Variants in ANKRD36 observed in about 807,000 individuals in gnomAD.
The protein encoded by ANKRD36 is ankyrin repeat domain-containing protein 36A.
Under a neutral mutation model 278.1 loss-of-function variants are expected in ANKRD36, and 179 were observed. The observed-to-expected ratio is 0.64, with a 90% CI of 0.57 to 0.73. ANKRD36 has a LOEUF of 0.73. Among genes scored for constraint, ANKRD36 ranks in the 30% least tolerant of loss-of-function variants. The pLI is 0.00. For missense variants in ANKRD36, 1,159 were observed against 1,956.7 expected (o/e 0.59, Z 7.69); for synonymous variants, 320 against 641.1 (o/e 0.50, Z 7.57).
intron 22 of ANKRD36, among the ~76,000 whole-genome samples, chr2:97,177,029 A>G (rs1429457087): frequency 6.6e-6 from 1 of 151,648 alleles, no homozygotes; most frequent in Non-Finnish European, 1.5e-5. Context: ...CTTATACACC[A>G]ACAACAGACA....
intron 75 of ANKRD36, among the ~76,000 whole-genome samples, chr2:97,262,667 G>A (rs1408400324): frequency 7.4e-6 from 1 of 134,322 alleles, no homozygotes; most frequent in Non-Finnish European, 1.5e-5. Flanking sequence ...AGGTGTTTGG[G>A]TCATGGTGGT....
intron 50 of ANKRD36, among the ~76,000 whole-genome samples, chr2:97,205,679 A>G (rs1301942390): frequency 1.3e-5 from 2 of 151,446 alleles, no homozygotes; most frequent in Non-Finnish European, 3.0e-5. Context: ...GCACATTGAT[A>G]TTGACACGGT....
chr2:97,175,996 G>A (rs1162604180), intron 22 of ANKRD36, among the ~76,000 whole-genome samples: 1 of 151,796 alleles, frequency 6.6e-6, no homozygotes, highest in East Asian at 1.9e-4. Flanking sequence ...GAGATAGTTT[G>A]TTATAATTTC....
At chr2:97,114,014 G>C in intron 1 of ANKRD36, 78 bp downstream of exon 1, 1 of 1,551,216 alleles carries the variant, frequency 6.4e-7, no homozygotes, top group South Asian at 1.2e-5. Flanking sequence ...GCTGAGGGCT[G>C]CGGGGCGGAT....
chr2:97,260,734 C>T (rs1451435721), intron 75 of ANKRD36, among the ~76,000 whole-genome samples: 1 of 110,826 alleles, frequency 9.0e-6, no homozygotes, highest in African/African-American at 4.2e-5. Context: ...CCTCTTCTTC[C>T]AGTATAATGC....
chr2:97,228,378 T>C (rs2070690951), intron 67 of ANKRD36, among the ~76,000 whole-genome samples: 1 of 152,100 alleles, frequency 6.6e-6, no homozygotes, highest in Non-Finnish European at 1.5e-5. Flanking sequence ...TGTGTATGTG[T>C]CCAGGAATTT....
At chr2:97,198,021 T>C (rs182321199) in intron 42 of ANKRD36, among the ~76,000 whole-genome samples, 1 of 152,010 alleles carries the variant, frequency 6.6e-6, no homozygotes, top group East Asian at 2.0e-4. Context: ...TTCTCAGTTA[T>C]TGGGCAAGTT....
chr2:97,229,209 A>G (rs1397055981), intron 67 of ANKRD36, among the ~76,000 whole-genome samples: 8 of 151,638 alleles, frequency 5.3e-5, no homozygotes, highest in African/African-American at 1.9e-4. Flanking sequence ...TTTCTGTCTC[A>G]TTGATCTGTC....
chr2:97,172,829 G>A (rs1415243930), intron 22 of ANKRD36, among the ~76,000 whole-genome samples: 2 of 120,888 alleles, frequency 1.7e-5, no homozygotes, highest in South Asian at 4.8e-4. Context: ...TTTTGTGTGT[G>A]AATGTGTGTG....
chr2:97,171,481 C>T (rs2052481142), intron 22 of ANKRD36, among the ~76,000 whole-genome samples: 1 of 132,268 alleles, frequency 7.6e-6, no homozygotes, highest in African/African-American at 2.9e-5. Context: ...TATTCTCACT[C>T]ATAGGTGGGA....
chr2:97,125,287 G>A (rs1307131292), intron 5 of ANKRD36, among the ~76,000 whole-genome samples: 1 of 150,918 alleles, frequency 6.6e-6, no homozygotes, highest in Non-Finnish European at 1.5e-5. Context: ...TTTTAGTTCA[G>A]TTGCACATAC....
chr2:97,131,974 C>T (rs185092175), intron 6 of ANKRD36, among the ~76,000 whole-genome samples: 2 of 151,686 alleles, frequency 1.3e-5, no homozygotes, highest in East Asian at 3.9e-4. Flanking sequence ...GACTACAGGC[C>T]TGCACCACCA....
chr2:97,219,504 A>G (rs1364499844), intron 66 of ANKRD36, among the ~76,000 whole-genome samples: 3 of 150,876 alleles, frequency 2.0e-5, no homozygotes, highest in Admixed American at 1.3e-4. Context: ...TTTTGGAGAC[A>G]GAGCTTTGCT....
At chr2:97,176,088 A>T (rs1403092706) in intron 22 of ANKRD36, among the ~76,000 whole-genome samples, 1 of 151,646 alleles carries the variant, frequency 6.6e-6, no homozygotes, top group African/African-American at 2.4e-5. Flanking sequence ...GTGCTGAAAA[A>T]ATGTATATTC....
chr2:97,176,271 A>G (rs975455240), intron 22 of ANKRD36, among the ~76,000 whole-genome samples: 1 of 150,228 alleles, frequency 6.7e-6, no homozygotes, highest in East Asian at 2.0e-4. Context: ...GTCTCTTTGT[A>G]GGTCACTCAG....
intron 4 of ANKRD36, among the ~76,000 whole-genome samples, chr2:97,123,957 TTATA>T (rs58038395): frequency 5.6e-5 from 8 of 141,804 alleles, no homozygotes; most frequent in African/African-American, 1.5e-4. Context: ...TCCTCCATAT[TTATA>T]TATATATATA....
intron 52 of ANKRD36, 41 bp downstream of exon 52, chr2:97,206,176 T>G (rs570838543): frequency 1.3e-6 from 2 of 1,493,714 alleles, no homozygotes; most frequent in African/African-American, 2.8e-5. Flanking sequence ...TCAGTCGAGA[T>G]AGATAAGAAG....
intron 13 of ANKRD36, 90 bp downstream of exon 13, chr2:97,152,029 G>A: frequency 9.3e-7 from 1 of 1,079,376 alleles, no homozygotes; most frequent in Middle Eastern, 2.0e-4. Flanking sequence ...TTACTAGTCT[G>A]CAGCACAGGC....
chr2:97,125,681 A>G (rs933549907), intron 5 of ANKRD36, among the ~76,000 whole-genome samples: 13 of 151,476 alleles, frequency 8.6e-5, no homozygotes, highest in Admixed American at 6.6e-5. Context: ...GTAGGTATCA[A>G]CTTGTGGTTG....
Sources: gnomAD v4.1 joint callset for allele counts (sites outside exome capture counted in the v4.1 genomes callset) on GRCh38, gnomAD v4.1.1 for gene constraint, MANE v1.5 for transcripts, NCBI Gene and HGNC (gene_info 2026-07-23, HGNC 2026-07-21) for gene names.